The following SLC26A11 variants were observed in gnomAD, a reference collection of about 807,000 sequenced individuals.
SLC26A11 encodes the protein sodium-independent sulfate anion transporter.
Under a neutral mutation model 62.2 loss-of-function variants are expected in SLC26A11, and 58 were observed. That is an observed-to-expected ratio of 0.93 (90% CI 0.76 to 1.16). The LOEUF (loss-of-function observed/expected upper bound fraction) is 1.16, where lower values mean the gene tolerates loss of function less well. Ranked by LOEUF, SLC26A11 falls within the 50% of genes most tolerant of loss-of-function variation. The probability of loss-of-function intolerance (pLI) is 0.00; values close to 1 mark genes in which losing one functional copy is unlikely to be tolerated. For synonymous variants in SLC26A11, 411 were observed against 368.9 expected, an observed-to-expected ratio of 1.11 and a Z score of -1.31; for missense variants, 790 against 794.3, an observed-to-expected ratio of 0.99 and a Z score of 0.06.
chr17:80,230,538 G>A (rs1567951015), intron 7 of SLC26A11, among the ~76,000 whole-genome samples: 1 of 152,142 alleles, frequency 6.6e-6, no homozygotes, highest in Non-Finnish European at 1.5e-5. Flanking sequence ...GTGGGTTTCA[G>A]GCTTAAGGCA....
Position 80,237,571 on chromosome 17 carries a change from G to T in SLC26A11, c.962G>T (p.Ser321Ile). The change falls in exon 9 of 18, where the codon AGC becomes ATC. Residue 321 changes from serine (S) to isoleucine (I), a missense_variant. Ser to Ile is a moderately radical substitution (Grantham distance 142). Coordinates refer to ENST00000361193, the MANE Select transcript of SLC26A11 (RefSeq NM_001166347.2). ...AVVPLMGLLE[S>I]IAVAKAFASQ... is the part of the protein sequence containing the mutation. ...GTGCCCCTGATGGGCCTCCTGGAGA[G>T]CATTGCGGTGGCCAAAGCCTTCGGT... The T allele has an allele frequency of 6.2e-7, 1 of 1,612,058 alleles. No homozygotes were observed.
Position 80,246,849 on chromosome 17 carries a change from C to T in SLC26A11, c.1294+200C>T, listed in dbSNP as rs535719522. 3.0e-3 allele frequency among the ~76,000 whole-genome samples: 459 copies of T among 152,236 alleles called. 3 individuals are homozygous for T. Among genetic ancestry groups the T allele is most frequent in the Non-Finnish European group, 5.5e-3 (374 of 68,002 alleles). ...AGGCTCAGTGGGAAGAGCTGGAGCT[C>T]CTTGTCCTGACACCTGGGGTCTTGA... On this transcript the variant is annotated intron_variant, in intron 13 of 17. Coordinates refer to ENST00000361193, the MANE Select transcript of SLC26A11 (RefSeq NM_001166347.2). The surrounding 1 kb of genome is among the most constrained non-coding windows in gnomAD (Gnocchi z 4.4).
intron 10 of SLC26A11, among the ~76,000 whole-genome samples, chr17:80,243,080 C>T (rs2042907053): frequency 6.6e-6 from 1 of 152,206 alleles, no homozygotes; most frequent in South Asian, 2.1e-4. Flanking sequence ...CTTCTCGCCC[C>T]TCATGAGACT....
intron 7 of SLC26A11, among the ~76,000 whole-genome samples, chr17:80,230,632 A>C (rs1325505628): frequency 1.3e-5 from 2 of 152,042 alleles, no homozygotes. Context: ...TCAGAGACAC[A>C]CTTGGGGCTG....
At chr17:80,238,757 G>T (rs1301760808) in intron 9 of SLC26A11, among the ~76,000 whole-genome samples, 1 of 151,542 alleles carries the variant, frequency 6.6e-6, no homozygotes, top group Admixed American at 6.6e-5. Context: ...CTGTGCCAGG[G>T]TAAAGTTCCT....
intron 15 of SLC26A11, among the ~76,000 whole-genome samples, chr17:80,248,931 G>A (rs922117077): frequency 2.0e-5 from 3 of 152,154 alleles, no homozygotes; most frequent in African/African-American, 7.2e-5. Context: ...TTTTAGGGGA[G>A]CTAAGGGCCT....
chr17:80,238,533 C>T (rs2042761604), intron 9 of SLC26A11, among the ~76,000 whole-genome samples: 1 of 152,168 alleles, frequency 6.6e-6, no homozygotes, highest in African/African-American at 2.4e-5. Flanking sequence ...TGTTTTGAGT[C>T]AGCATCTCTA....
rs774490818 is a variant in SLC26A11, at chr17:80,246,584, T to C, written c.1229T>C (p.Val410Ala). 6.2e-7 allele frequency: 1 copy of C among 1,614,036 alleles called. No individual in the cohort carries two copies. Among genetic ancestry groups the C allele is most frequent in the South Asian group, 1.1e-5 (1 of 91,080 alleles). ...ATCCCCAAGTCTGCCCTGGCTGCCGTCATCATCATGGCCGTGGCCCCGCTG... is the reference window on the plus strand; with the variant it reads ...ATCCCCAAGTCTGCCCTGGCTGCCGCCATCATCATGGCCGTGGCCCCGCTG... ...YYIPKSALAA[V>A]IIMAVAPLFD... The change falls in exon 13 of 18, where the codon GTC (valine) becomes GCC (alanine). Residue 410 changes from valine (V) to alanine (A), a missense_variant. Transcript: ENST00000361193. This position sits in a 1 kb window ranked among gnomAD's most constrained non-coding sequence, Gnocchi z 4.4.
At chr17:80,243,677 C>T (rs1017824010) in intron 10 of SLC26A11, among the ~76,000 whole-genome samples, 1 of 152,184 alleles carries the variant, frequency 6.6e-6, no homozygotes, top group African/African-American at 2.4e-5. Context: ...GATTACAGGC[C>T]TGAGCCACAG....
chr17:80,244,197 G>A (rs1208705428), intron 10 of SLC26A11, among the ~76,000 whole-genome samples: 1 of 152,214 alleles, frequency 6.6e-6, no homozygotes, highest in Non-Finnish European at 1.5e-5. Flanking sequence ...TGATGCCCCA[G>A]GTGAGACAGA....
chr17:80,224,314 AGT>A (rs143696859), intron 5 of SLC26A11, among the ~76,000 whole-genome samples: 29 of 146,028 alleles, frequency 2.0e-4, no homozygotes, highest in South Asian at 8.7e-4. Context: ...TGTGTGAGAG[AGT>A]GTGAGTGTGT....
At chr17:80,251,803 C>T (rs2043165332) in intron 17 of SLC26A11, among the ~76,000 whole-genome samples, 1 of 151,978 alleles carries the variant, frequency 6.6e-6, no homozygotes, top group Admixed American at 6.6e-5. Flanking sequence ...CCACCTCCAC[C>T]CCAGTCCACT....
At chr17:80,250,552 T>C (rs1318037444) in intron 16 of SLC26A11, among the ~76,000 whole-genome samples, 1 of 152,176 alleles carries the variant, frequency 6.6e-6, no homozygotes, top group Non-Finnish European at 1.5e-5. Flanking sequence ...AAAATACTCC[T>C]CTGACCCAGA....
At chr17:80,224,854 G>T (rs1168653051) in intron 5 of SLC26A11, among the ~76,000 whole-genome samples, 3 of 152,048 alleles carry the variant, frequency 2.0e-5, no homozygotes, top group Non-Finnish European at 4.4e-5. Flanking sequence ...AGCCATCTGG[G>T]GGGAGGGGCG....
At chr17:80,237,973 A>G (rs919551941) in intron 9 of SLC26A11, among the ~76,000 whole-genome samples, 3 of 152,264 alleles carry the variant, frequency 2.0e-5, no homozygotes, top group African/African-American at 7.2e-5. Flanking sequence ...ATCATATTCT[A>G]TGGTGTCTCC....
In SLC26A11 at chr17:80,246,667, A is replaced by AG. The variant is rs747468384; in HGVS notation, c.1294+22dup. The AG allele has an allele frequency of 1.2e-5, 19 of 1,611,554 alleles. No homozygotes were observed. The East Asian group carries it at 4.2e-4, about 36-fold the overall frequency. ...TGTTAAGAGTACGTCCTTGTCCTAC[A>AG]GGGGAGAGCGCTGTGATGCGGTGTC... is the stretch of plus-strand genomic sequence containing the variant. On this transcript the variant is annotated intron_variant, in intron 13 of 17. Transcript: ENST00000361193. The surrounding 1 kb of genome is among the most constrained non-coding windows in gnomAD (Gnocchi z 4.4).
intron 10 of SLC26A11, among the ~76,000 whole-genome samples, chr17:80,242,630 C>T (rs967573231): frequency 5.3e-5 from 8 of 152,240 alleles, no homozygotes; most frequent in African/African-American, 9.6e-5. Context: ...GGGTCATGCC[C>T]GCTTTCACGG....
Position 80,244,836 on chromosome 17 carries a change from C to T in SLC26A11, c.1037-360C>T, listed in dbSNP as rs547932542. On this transcript the variant is annotated intron_variant, in intron 10 of 17. Coordinates refer to ENST00000361193, the MANE Select transcript of SLC26A11 (RefSeq NM_001166347.2). ...ACTAAAAATACAGAAATTAGCCAGGCGTGGTAGTGTGTGCCTGTAATCCCA... is the reference window on the plus strand; with the variant it reads ...ACTAAAAATACAGAAATTAGCCAGGTGTGGTAGTGTGTGCCTGTAATCCCA... Among the ~76,000 whole-genome samples, 30 of 152,144 alleles carry T rather than the reference C, an allele frequency of 2.0e-4. 1 individual carries two copies. In the South Asian group the frequency reaches 4.8e-3, roughly 24 times the overall value.
chr17:80,223,434 G>T lies in SLC26A11; in HGVS notation c.513+97G>T. 1 of 1,110,974 alleles carries T rather than the reference G, an allele frequency of 9.0e-7. No individual in the cohort carries two copies. 68.8% of individuals were successfully genotyped at this position (1,110,974 alleles called of 1,614,324 possible). On this transcript the variant is annotated intron_variant, in intron 5 of 17. Transcript: ENST00000361193. This position sits in a 1 kb window ranked among gnomAD's most constrained non-coding sequence, Gnocchi z 4.6. ...ACTGAGGCCAGTCCTGATCCCTGTG[G>T]CCAGTGGACGTCTTGCTGTTTCAGA...
Sources: gnomAD v4.1 joint callset for allele counts (sites outside exome capture counted in the v4.1 genomes callset) on GRCh38, gnomAD v4.1.1 for gene constraint, Gnocchi (gnomAD v3.1) non-coding constraint, MANE v1.5 for transcripts, NCBI Gene and HGNC (gene_info 2026-07-23, HGNC 2026-07-21) for gene names.